The following SIAH1 variants were observed in gnomAD, a reference collection of about 807,000 sequenced individuals.
SIAH1 encodes the protein E3 ubiquitin-protein ligase SIAH1.
In SIAH1, 2 loss-of-function variants were observed where a neutral mutation model predicts 20.0. The ratio of observed to expected loss-of-function variants is 0.10; its 90% CI spans 0.04 to 0.31. The LOEUF (loss-of-function observed/expected upper bound fraction) is 0.31. Ranked by LOEUF, SIAH1 falls within the 10% of genes least tolerant of loss-of-function variation. SIAH1 has a pLI of 1.00. For synonymous variants in SIAH1, 118 were observed against 125.3 expected, an observed-to-expected ratio of 0.94 and a Z score of 0.39; for missense variants, 119 against 355.3, an observed-to-expected ratio of 0.33 and a Z score of 5.35.
chr16:48,377,476 C>T lies in SIAH1; in HGVS notation c.-3+7728G>A, dbSNP rs563003099. Among the ~76,000 whole-genome samples the T allele has an allele frequency of 4.0e-4, 60 of 150,664 alleles. 1 individual carries two copies. Among genetic ancestry groups the T allele is most frequent in the Non-Finnish European group, 7.7e-4 (52 of 67,800 alleles). On this transcript the variant is annotated intron_variant, in intron 1 of 1. Transcript: ENST00000394725. ...CACCATCTCGGCTCACTGCAACCTA[C>T]ACCTCCCGGGTTAAGTGATTCTCCT... is the stretch of plus-strand genomic sequence containing the variant.
intron 1 of SIAH1, among the ~76,000 whole-genome samples, chr16:48,381,684 CAT>C (rs909459343): frequency 2.4e-4 from 36 of 152,228 alleles, no homozygotes; most frequent in Admixed American, 2.1e-3. Flanking sequence ...CCCAGTTACA[CAT>C]ATGACATTCT....
intron 1 of SIAH1, among the ~76,000 whole-genome samples, chr16:48,370,744 C>G (rs1264265232): frequency 6.7e-6 from 1 of 149,046 alleles, no homozygotes; most frequent in African/African-American, 2.5e-5. Context: ...AGGCGGAGCT[C>G]GAAGTGAGCC....
chr16:48,370,815 A>C (rs1960965322), intron 1 of SIAH1, among the ~76,000 whole-genome samples: 1 of 151,834 alleles, frequency 6.6e-6, no homozygotes, highest in Admixed American at 6.6e-5. Flanking sequence ...CAAAAAAAAA[A>C]AAAACAAATT....
chr16:48,384,270 G>A (rs1246072261), intron 1 of SIAH1, among the ~76,000 whole-genome samples: 2 of 152,118 alleles, frequency 1.3e-5, no homozygotes, highest in African/African-American at 4.8e-5. Flanking sequence ...TGGCCTCTAT[G>A]ACTTTGGCAA....
rs373867044 is a variant in SIAH1, at chr16:48,361,598, T to C, written c.831A>G (p.Val277=). 6.2e-7 allele frequency: 1 copy of C among 1,612,922 alleles called. No homozygotes were observed. Among genetic ancestry groups the C allele is most frequent in the South Asian group, 1.1e-5 (1 of 91,076 alleles). The change falls in exon 2 of 2, where the codon GTA becomes GTG. Residue 277 remains valine, a synonymous_variant. Coordinates refer to ENST00000394725, the MANE Select transcript of SIAH1 (RefSeq NM_003031.4). ...TGCCATTTCAACACATGGAAATAGT[T>C]ACATTGATGCCTAAATTGCCATTTT... ...FAENGNLGIN[V]TISMC is the part of the protein sequence containing the mutation.
chr16:48,386,289 C>G (rs532527231), upstream of SIAH1, among the ~76,000 whole-genome samples: 1 of 152,098 alleles, frequency 6.6e-6, no homozygotes, highest in Non-Finnish European at 1.5e-5. Flanking sequence ...GATGGATTAC[C>G]TGAGGTCAGG....
At chr16:48,376,709 C>A (rs1448186220) in intron 1 of SIAH1, among the ~76,000 whole-genome samples, 1 of 152,078 alleles carries the variant, frequency 6.6e-6, no homozygotes, top group Non-Finnish European at 1.5e-5. Context: ...AGCCCCCCTC[C>A]CCTCACAAAC....
chr16:48,362,326 A>G lies in SIAH1; in HGVS notation c.103T>C (p.Leu35=). The G allele has an allele frequency of 6.2e-7, 1 of 1,614,190 alleles. No homozygotes were observed. The highest frequency in any genetic ancestry group is 8.5e-7 in the Non-Finnish European group (1 of 1,180,030). ...LTGTTASNND[L]ASLFECPVCF... is the part of the protein sequence containing the mutation. ...ACTGGACACTCAAAAAGACTCGCCA[A>G]GTCATTGTTGGATGCAGTTGTGCCA... is the stretch of plus-strand genomic sequence containing the variant. Residue 35 remains leucine (L), a synonymous_variant, in exon 2 of 2, where the codon TTG becomes CTG. Transcript: ENST00000394725. The surrounding 1 kb of genome is among the most constrained non-coding windows in gnomAD (Gnocchi z 4.2).
chr16:48,377,507 A>G (rs530022016), intron 1 of SIAH1, among the ~76,000 whole-genome samples: 1 of 150,632 alleles, frequency 6.6e-6, no homozygotes, highest in South Asian at 2.1e-4. Flanking sequence ...CTCCTGCCTC[A>G]GCCTCCGAGT....
At chr16:48,374,766 A>G (rs1397933644) in intron 1 of SIAH1, among the ~76,000 whole-genome samples, 1 of 152,220 alleles carries the variant, frequency 6.6e-6, no homozygotes, top group Non-Finnish European at 1.5e-5. Context: ...CAAAAATAAA[A>G]ACTAAAAAAT....
At chr16:48,366,517 T>C (rs1366640835) in intron 1 of SIAH1, among the ~76,000 whole-genome samples, 1 of 152,224 alleles carries the variant, frequency 6.6e-6, no homozygotes, top group African/African-American at 2.4e-5. Flanking sequence ...TAAGAGATTA[T>C]ACTCTCTTCC....
intron 1 of SIAH1, chr16:48,366,036 C>G: frequency 2.1e-6 from 1 of 483,750 alleles, no homozygotes; most frequent in Non-Finnish European, 2.8e-6. Context: ...AGGGTGGGGC[C>G]GTGCCCGCAA....
chr16:48,371,158 G>A (rs1461060113), intron 1 of SIAH1, among the ~76,000 whole-genome samples: 1 of 151,202 alleles, frequency 6.6e-6, no homozygotes, highest in African/African-American at 2.4e-5. Flanking sequence ...GCACATGCCT[G>A]TAGTCTCAGC....
intron 1 of SIAH1, among the ~76,000 whole-genome samples, chr16:48,384,330 G>C (rs1172200381): frequency 6.6e-6 from 1 of 152,146 alleles, no homozygotes; most frequent in Non-Finnish European, 1.5e-5. Context: ...GGACTTTTCT[G>C]AATGTCCGAG....
intron 1 of SIAH1, among the ~76,000 whole-genome samples, chr16:48,364,677 TG>T (rs1272240941): frequency 3.3e-5 from 5 of 152,206 alleles, no homozygotes; most frequent in African/African-American, 1.2e-4. Flanking sequence ...TGTAAAACAG[TG>T]GGCTCAGCAT....
chr16:48,368,422 G>T (rs749567433), intron 1 of SIAH1, among the ~76,000 whole-genome samples: 8 of 152,204 alleles, frequency 5.3e-5, no homozygotes, highest in Non-Finnish European at 1.2e-4. Flanking sequence ...ACAGCTGGGC[G>T]TGGTGGCTCA....
Position 48,362,451 on chromosome 16 carries a change from G to A in SIAH1, c.-2-21C>T, listed in dbSNP as rs767055093. 1.2e-6 allele frequency: 2 copies of A among 1,609,400 alleles called. No individual in the cohort carries two copies. The highest frequency in any genetic ancestry group is 1.7e-6 in the Non-Finnish European group (2 of 1,176,868). ...CATTTCTGAAATAAATACATAAGGA[G>A]GCAGGAGAAAAATAATTATAACCAT... On this transcript the variant is annotated intron_variant, in intron 1 of 1. Coordinates refer to ENST00000394725, the MANE Select transcript of SIAH1 (RefSeq NM_003031.4). This position sits in a 1 kb window ranked among gnomAD's most constrained non-coding sequence, Gnocchi z 4.2.
chr16:48,362,030 A>G lies in SIAH1; in HGVS notation c.399T>C (p.Ala133=). 6.2e-7 allele frequency: 1 copy of G among 1,614,208 alleles called. No homozygotes were observed. Among genetic ancestry groups the G allele is most frequent in the South Asian group, 1.1e-5 (1 of 91,082 alleles). ...FRPYSCPCPG[A]SCKWQGSLDA... ...CCAGAGAGCCTTGCCATTTACAGGA[A>G]GCACCAGGGCACGGACAGGAATAAG... The change falls in exon 2 of 2, where the codon GCT becomes GCC. Residue 133 remains alanine (A), a synonymous_variant. Coordinates refer to ENST00000394725, the MANE Select transcript of SIAH1 (RefSeq NM_003031.4). The surrounding 1 kb of genome is among the most constrained non-coding windows in gnomAD (Gnocchi z 4.2).
At chr16:48,374,651 C>A (rs908500785) in intron 1 of SIAH1, among the ~76,000 whole-genome samples, 2 of 152,096 alleles carry the variant, frequency 1.3e-5, no homozygotes, top group South Asian at 4.1e-4. Flanking sequence ...TCCAAACAAC[C>A]TGATGGAACA....
Sources: allele counts gnomAD v4.1 joint callset (sites outside exome capture counted in the v4.1 genomes callset), GRCh38; gene constraint gnomAD v4.1.1; non-coding constraint Gnocchi (gnomAD v3.1); transcripts MANE v1.5; gene names NCBI Gene and HGNC (gene_info 2026-07-23, HGNC 2026-07-21).